The following UMODL1 variants were observed in gnomAD, a reference collection of about 807,000 sequenced individuals.
The protein encoded by UMODL1 is uromodulin-like 1.
A neutral mutation model predicts 136.3 loss-of-function variants in UMODL1; 128 were observed. The observed-to-expected ratio is 0.94, with a 90% CI of 0.81 to 1.09. UMODL1 has a LOEUF of 1.09. Ranked by LOEUF, UMODL1 falls within the 50% of genes least tolerant of loss-of-function variation. The pLI, the probability that UMODL1 is intolerant of heterozygous loss-of-function variation, is 0.00. For missense variants in UMODL1, 1,766 were observed against 1,725.6 expected (o/e 1.02, Z -0.41); for synonymous variants, 721 against 720.0 (o/e 1.00, Z -0.02).
intron 17 of UMODL1, among the ~76,000 whole-genome samples, chr21:42,125,475 T>C (rs1449032921): frequency 6.6e-6 from 1 of 152,216 alleles, no homozygotes; most frequent in Non-Finnish European, 1.5e-5. Context: ...AGATCCTCCC[T>C]GGGCTGAAGG....
In UMODL1 at chr21:42,121,240, TTTC is replaced by T. The variant is rs762437298; in HGVS notation, c.2827+24_2827+26del. On this transcript the variant is annotated intron_variant, in intron 16 of 22. Coordinates refer to ENST00000408910, the MANE Select transcript of UMODL1 (RefSeq NM_001004416.3). ...CCCTGTGAAGGTAATGTCGTCAGAG[TTTC>T]TTCTTCTGGAATACTGTATCATAAT... 3.1e-6 allele frequency: 5 copies of T among 1,599,812 alleles called. No homozygotes were observed. The highest frequency in any genetic ancestry group is 2.2e-5 in the East Asian group (1 of 44,472).
intron 13 of UMODL1, among the ~76,000 whole-genome samples, chr21:42,115,391 C>T (rs542340236): frequency 1.3e-5 from 2 of 152,358 alleles, no homozygotes; most frequent in East Asian, 1.9e-4. Context: ...GAAGGACTGG[C>T]TCCAAACAAG....
intron 21 of UMODL1, among the ~76,000 whole-genome samples, chr21:42,134,074 C>T (rs982747031): frequency 2.0e-5 from 3 of 152,164 alleles, no homozygotes; most frequent in African/African-American, 7.2e-5. Context: ...TTGTGGGCCA[C>T]CACGCCAAGC....
intron 10 of UMODL1, 116 bp downstream of exon 10, chr21:42,109,815 G>T: frequency 1.8e-6 from 2 of 1,126,952 alleles, no homozygotes; most frequent in Non-Finnish European, 1.2e-6. Context: ...AATGTTAGGG[G>T]CCTACAGAAA....
chr21:42,131,176 A>AT (rs2067129610), intron 21 of UMODL1, among the ~76,000 whole-genome samples: 1 of 151,814 alleles, frequency 6.6e-6, no homozygotes, highest in South Asian at 2.1e-4. Flanking sequence ...TGCTATTTTG[A>AT]TTTTTTTCTC....
At chr21:42,104,224 A>C in intron 9 of UMODL1, 137 bp downstream of exon 9, 3 of 974,586 alleles carry the variant, frequency 3.1e-6, no homozygotes, top group Non-Finnish European at 4.4e-6. Context: ...CCTCCACCGG[A>C]ACCAGGGGCC....
At chr21:42,100,452 G>C (rs1387362329) in intron 7 of UMODL1, among the ~76,000 whole-genome samples, 2 of 151,978 alleles carry the variant, frequency 1.3e-5, no homozygotes, top group Non-Finnish European at 2.9e-5. Flanking sequence ...ATAGCAGCCA[G>C]CACGGGCATC....
chr21:42,103,966 G>T lies in UMODL1; in HGVS notation c.1398G>T (p.Arg466Ser), dbSNP rs1377063713. Reference protein sequence around the residue: ...VSLQAGSVVVRLKLTVQDPGF... With the variant: ...VSLQAGSVVVSLKLTVQDPGF... ...TCCAGGCGGGAAGTGTGGTCGTGAGGCTCAAGCTCACCGTGCAGGACCCCG... is the reference window on the plus strand; with the variant it reads ...TCCAGGCGGGAAGTGTGGTCGTGAGTCTCAAGCTCACCGTGCAGGACCCCG... Residue 466 changes from arginine to serine, a missense_variant, in exon 9 of 23, where the codon AGG becomes AGT. Physicochemically the swap from Arg to Ser is moderately radical, Grantham distance 110. Transcript: ENST00000408910. 3 of 1,613,974 alleles carry T rather than the reference G, an allele frequency of 1.9e-6. No individual in the cohort carries two copies. Among genetic ancestry groups the T allele is most frequent in the East Asian group, 2.2e-5 (1 of 44,894 alleles).
intron 5 of UMODL1, 110 bp downstream of exon 5, chr21:42,088,590 G>T: frequency 1.7e-6 from 2 of 1,178,934 alleles, no homozygotes; most frequent in Non-Finnish European, 2.3e-6. Context: ...TTTAAAGGAG[G>T]TTTAAGTTCA....
intron 21 of UMODL1, among the ~76,000 whole-genome samples, chr21:42,134,984 G>C (rs1461827539): frequency 6.6e-6 from 1 of 152,146 alleles, no homozygotes; most frequent in Non-Finnish European, 1.5e-5. Context: ...TGTTACATAG[G>C]TGTACATGTG....
intron 15 of UMODL1, 108 bp downstream of exon 15, chr21:42,119,432 CCTT>C: frequency 1.1e-6 from 1 of 930,632 alleles, no homozygotes; most frequent in Non-Finnish European, 1.7e-6. Context: ...CCCATGTGGT[CCTT>C]CTTCCCCCAG....
chr21:42,075,245 G>GC (rs961214511), intron 1 of UMODL1, among the ~76,000 whole-genome samples: 2 of 148,106 alleles, frequency 1.4e-5, no homozygotes, highest in Admixed American at 6.7e-5. Context: ...TGGAGATGGG[G>GC]GGGGGGTTTC....
intron 21 of UMODL1, among the ~76,000 whole-genome samples, chr21:42,131,797 A>T (rs1392886087): frequency 6.6e-6 from 1 of 152,242 alleles, no homozygotes; most frequent in Non-Finnish European, 1.5e-5. Flanking sequence ...TGAGCTGGTC[A>T]TCAGGTGACT....
In UMODL1 at chr21:42,075,246, G is replaced by T. The variant is rs552765716; in HGVS notation, c.77-759G>T. On this transcript the variant is annotated intron_variant, in intron 1 of 22. Coordinates refer to ENST00000408910, the MANE Select transcript of UMODL1 (RefSeq NM_001004416.3). ...AAAAATATTTTTGCTGGAGATGGGG[G>T]GGGGGTTTCACCATGTTGGCCGGGC... Among the ~76,000 whole-genome samples, 5 of 151,934 alleles carry T rather than the reference G, an allele frequency of 3.3e-5. No individual in the cohort carries two copies. In the South Asian group the frequency reaches 1.0e-3, roughly 32 times the overall value.
chr21:42,112,053 G>A (rs1034511308), intron 12 of UMODL1, among the ~76,000 whole-genome samples: 5 of 149,796 alleles, frequency 3.3e-5, no homozygotes, highest in African/African-American at 9.8e-5. Context: ...GCCCACCCCC[G>A]CTGTCCTGCC....
In UMODL1 at chr21:42,073,021, TGC is replaced by T. The variant is rs1374273636; in HGVS notation, c.76+1639_76+1640del. Among the ~76,000 whole-genome samples the T allele has an allele frequency of 4.9e-3, 740 of 151,136 alleles. 3 individuals carry two copies. Among genetic ancestry groups the T allele is most frequent in the South Asian group, 0.033 (159 of 4,798 alleles). On this transcript the variant is annotated intron_variant, in intron 1 of 22. Coordinates refer to ENST00000408910, the MANE Select transcript of UMODL1 (RefSeq NM_001004416.3). ...CACAGGAGATGAGTGTGTGTGTGTG[TGC>T]GCGCGCGCGTGTGTGTGTGTGCGTG...
upstream of UMODL1, among the ~76,000 whole-genome samples, chr21:42,069,686 G>A (rs1443343842): frequency 4.6e-5 from 7 of 152,102 alleles, no homozygotes; most frequent in Non-Finnish European, 1.0e-4. Context: ...CGAATTTTGA[G>A]TTTTAACCTG....
chr21:42,095,402 A>G (rs866433191), intron 6 of UMODL1, among the ~76,000 whole-genome samples: 15 of 151,904 alleles, frequency 9.9e-5, no homozygotes, highest in Admixed American at 2.6e-4. Flanking sequence ...GCCCTACTCC[A>G]TCTTCAAGGT....
chr21:42,121,141 G>C lies in UMODL1; in HGVS notation c.2744G>C (p.Arg915Pro). The change falls in exon 16 of 23, where the codon CGA (arginine) becomes CCA (proline). Residue 915 changes from arginine to proline, a missense_variant. By Grantham distance (103) the Arg-to-Pro change is moderately radical. Transcript: ENST00000408910. ...GACTGTGTGCCGGGGACATCCTGTC[G>C]AAACACCCTCGGGTCTTTCACTTGT... ...EDDCVPGTSCRNTLGSFTCSC... is the reference protein window; with the variant it reads ...EDDCVPGTSCPNTLGSFTCSC... 6.2e-7 allele frequency: 1 copy of C among 1,614,112 alleles called. No homozygotes were observed. Among genetic ancestry groups the C allele is most frequent in the African/African-American group, 1.3e-5 (1 of 75,052 alleles).
Sources: allele counts gnomAD v4.1 joint callset (sites outside exome capture counted in the v4.1 genomes callset), GRCh38; gene constraint gnomAD v4.1.1; transcripts MANE v1.5; gene names NCBI Gene and HGNC (gene_info 2026-07-23, HGNC 2026-07-21).